NYNRIN: variants seen among roughly 807,000 people sequenced by gnomAD.
The protein encoded by NYNRIN is NYN domain and retroviral integrase containing.
Under a neutral mutation model 146.6 loss-of-function variants are expected in NYNRIN, and 86 were observed. That is an observed-to-expected ratio of 0.59 (90% confidence interval 0.49 to 0.70). The LOEUF is 0.70. NYNRIN is among the 30% of genes least tolerant of loss of function. The pLI, the probability that NYNRIN is intolerant of heterozygous loss-of-function variation, is 0.00. For synonymous variants in NYNRIN, 1,027 were observed against 1,001.3 expected, an observed-to-expected ratio of 1.03 and a Z score of -0.48; for missense variants, 2,191 against 2,377.7, an observed-to-expected ratio of 0.92 and a Z score of 1.63.
chr14:24,416,458 G>C lies in NYNRIN; in HGVS notation c.4709G>C (p.Gly1570Ala). The part of the protein sequence containing the change: ...EETYKKLRLL[G>A]WWPGMQEHVK... ...ACCTACAAGAAGTTGCGTTTGCTGGGGTGGTGGCCTGGGATGCAGGAGCAT... is the reference window on the plus strand; with the variant it reads ...ACCTACAAGAAGTTGCGTTTGCTGGCGTGGTGGCCTGGGATGCAGGAGCAT... Residue 1570 changes from glycine (G) to alanine (A), a missense_variant, in exon 9 of 9, where the codon GGG becomes GCG. Gly to Ala is a moderately conservative substitution (Grantham distance 60). This residue lies in a region of NYNRIN where 1,291 missense variants were observed against 1,417.0 expected (regional missense o/e 0.91). Transcript: ENST00000382554. The C allele has an allele frequency of 6.2e-7, 1 of 1,613,188 alleles. No homozygotes were observed.
At chr14:24,410,782 T>C (rs2042907770) in intron 4 of NYNRIN, among the ~76,000 whole-genome samples, 2 of 152,218 alleles carry the variant, frequency 1.3e-5, no homozygotes, top group South Asian at 4.1e-4. Flanking sequence ...CTTTAAGCCC[T>C]CAACTGAGCT....
rs779169130 is a variant in NYNRIN at position 24,408,953 on chromosome 14, T to C, written c.1159T>C (p.Cys387Arg). 1 of 1,613,984 alleles carries C rather than the reference T, an allele frequency of 6.2e-7. No homozygotes were observed. Residue 387 changes from cysteine to arginine, a missense_variant, in exon 4 of 9, where the codon TGC becomes CGC. By Grantham distance (180) the Cys-to-Arg change is radical (BLOSUM62 -3). This residue lies in a region of NYNRIN where 895 missense variants were observed against 941.2 expected (regional missense o/e 0.95). Transcript: ENST00000382554. ...LHLAWLLSQA[C>R]FNFPFWQRPL... ...TCTGGCCTGGCTCCTGTCCCAGGCG[T>C]GCTTCAATTTCCCCTTCTGGCAGAG...
chr14:24,411,718 T>C lies in NYNRIN; in HGVS notation c.2642+268T>C, dbSNP rs556756696. 6.6e-6 allele frequency among the ~76,000 whole-genome samples: 1 copy of C among 152,342 alleles called. No individual in the cohort carries two copies. Among genetic ancestry groups the C allele is most frequent in the African/African-American group, 2.4e-5 (1 of 41,574 alleles). On this transcript the variant is annotated intron_variant, in intron 6 of 8. Transcript: ENST00000382554. This position sits in a 1 kb window ranked among gnomAD's most constrained non-coding sequence, Gnocchi z 4.3. Reference sequence around the variant, plus strand: ...CGTCTGCCTTAGCTAACAGGCATTCTTCCCCCATGACCTGTGAACATCAGA... The same window carrying C: ...CGTCTGCCTTAGCTAACAGGCATTCCTCCCCCATGACCTGTGAACATCAGA...
At chr14:24,402,939 T>C (rs1266071246) in intron 2 of NYNRIN, among the ~76,000 whole-genome samples, 1 of 152,232 alleles carries the variant, frequency 6.6e-6, no homozygotes, top group Non-Finnish European at 1.5e-5. Flanking sequence ...CAGTATTTGC[T>C]CTGGCATTTA....
intron 2 of NYNRIN, among the ~76,000 whole-genome samples, chr14:24,405,639 G>T (rs941530711): frequency 1.3e-5 from 2 of 152,142 alleles, no homozygotes; most frequent in Non-Finnish European, 2.9e-5. Context: ...GAAGACCCCC[G>T]ACTGTGGAGC....
intron 4 of NYNRIN, among the ~76,000 whole-genome samples, chr14:24,410,409 G>A (rs1425115523): frequency 1.3e-5 from 2 of 152,204 alleles, no homozygotes; most frequent in African/African-American, 4.8e-5. Flanking sequence ...AGCCCTCAAG[G>A]GCAGGTTTCT....
intron 2 of NYNRIN, among the ~76,000 whole-genome samples, chr14:24,405,549 G>A (rs1175986163): frequency 6.6e-6 from 1 of 152,144 alleles, no homozygotes; most frequent in African/African-American, 2.4e-5. Flanking sequence ...AGGCAGGAAA[G>A]CTGTTCAGGT....
chr14:24,413,560 A>G, intron 8 of NYNRIN, 143 bp downstream of exon 8: 1 of 593,912 alleles, frequency 1.7e-6, no homozygotes, highest in South Asian at 2.5e-5. Context: ...CCACATGTTT[A>G]TGTGTTCATA....
intron 2 of NYNRIN, among the ~76,000 whole-genome samples, chr14:24,401,199 GACCGCAGATCTCAC>G (rs1166724159): frequency 6.6e-6 from 1 of 152,162 alleles, no homozygotes; most frequent in Non-Finnish European, 1.5e-5. Flanking sequence ...GGGTTCTTCG[GACCGCAGATCTCAC>G]ACCTCAGGCT....
Position 24,400,777 on chromosome 14 carries a change from T to C in NYNRIN, c.198+1333T>C, listed in dbSNP as rs968857149. Among the ~76,000 whole-genome samples the C allele has an allele frequency of 2.0e-5, 3 of 151,756 alleles. No homozygotes were observed. In the South Asian group the frequency reaches 6.2e-4, roughly 32 times the overall value. On this transcript the variant is annotated intron_variant, in intron 2 of 8. Transcript: ENST00000382554. ...CTCACCCTCTTAGGGGACTCACACT[T>C]TCTTTTTCTTTTTTTTTTTTTTTTG...
chr14:24,416,405 C>A lies in NYNRIN; in HGVS notation c.4656C>A (p.Pro1552=), dbSNP rs766417161. 5.6e-6 allele frequency: 9 copies of A among 1,612,894 alleles called. No individual in the cohort carries two copies. The South Asian group carries it at 7.7e-5, about 14-fold the overall frequency. The change falls in exon 9 of 9, where the codon CCC becomes CCA. Residue 1552 remains proline (P), a synonymous_variant. Coordinates refer to ENST00000382554, the MANE Select transcript of NYNRIN (RefSeq NM_025081.3). ...RDLIFSVHDI[P]LGAHQRPEET... Reference sequence around the variant, plus strand: ...TGATTTTCTCTGTGCATGACATTCCCTTGGGGGCCCACCAGAGGCCCGAAG... The same window carrying A: ...TGATTTTCTCTGTGCATGACATTCCATTGGGGGCCCACCAGAGGCCCGAAG...
Position 24,416,071 on chromosome 14 carries a change from T to C in NYNRIN, c.4322T>C (p.Val1441Ala). The change falls in exon 9 of 9, where the codon GTG (valine) becomes GCG (alanine). Residue 1441 changes from valine to alanine, a missense_variant. This residue lies in a region of NYNRIN where 1,291 missense variants were observed against 1,417.0 expected (regional missense o/e 0.91). Transcript: ENST00000382554. ...CGGGGCTCTCTGTTTGCTGTGACAGTGGACACCCTGGCCAAGCAGGGTGCC... is the reference window on the plus strand; with the variant it reads ...CGGGGCTCTCTGTTTGCTGTGACAGCGGACACCCTGGCCAAGCAGGGTGCC... ...SYRGSLFAVT[V>A]DTLAKQGAQG... 2 of 1,613,970 alleles carry C rather than the reference T, an allele frequency of 1.2e-6. No homozygotes were observed. Among genetic ancestry groups the C allele is most frequent in the East Asian group, 2.2e-5 (1 of 44,888 alleles).
chr14:24,416,748 G>A lies in NYNRIN; in HGVS notation c.4999G>A (p.Val1667Met). ...TGTGGCCCAGGTGCTGCTTCAGCAT[G>A]TGTTTGCAAGGTGGGGTGTTCCTGT... ...TAVAQVLLQH[V>M]FARWGVPVRL... The change falls in exon 9 of 9, where the codon GTG becomes ATG. Residue 1667 changes from valine (V) to methionine (M), a missense_variant. Physicochemically the swap from Val to Met is conservative, Grantham distance 21. Around this residue, in one of 3 missense-constraint regions of NYNRIN, gnomAD observed 1,291 missense variants for 1,417.0 expected, o/e 0.91. Coordinates refer to ENST00000382554, the MANE Select transcript of NYNRIN (RefSeq NM_025081.3). 1.2e-6 allele frequency: 2 copies of A among 1,613,920 alleles called. No individual in the cohort carries two copies. The highest frequency in any genetic ancestry group is 1.7e-6 in the Non-Finnish European group (2 of 1,179,878).
In NYNRIN at chr14:24,409,994, A is replaced by G; in HGVS notation, c.2200A>G (p.Ser734Gly). The change falls in exon 4 of 9, where the codon AGC becomes GGC. Residue 734 changes from serine to glycine, a missense_variant. Around this residue, in one of 3 missense-constraint regions of NYNRIN, gnomAD observed 895 missense variants for 941.2 expected, o/e 0.95. Transcript: ENST00000382554. ...GPQSSGTLAL[S>G]SKHQFQMEGL... is the part of the protein sequence containing the mutation. ...CCAGTCCAGTGGCACCTTGGCCCTC[A>G]GCAGTAAGCACCAGTTTCAGATGGA... 2 of 1,613,808 alleles carry G rather than the reference A, an allele frequency of 1.2e-6. No homozygotes were observed. Among genetic ancestry groups the G allele is most frequent in the Non-Finnish European group, 1.7e-6 (2 of 1,179,790 alleles).
intron 2 of NYNRIN, among the ~76,000 whole-genome samples, chr14:24,403,316 A>G (rs186825604): frequency 6.6e-6 from 1 of 152,272 alleles, no homozygotes; most frequent in Admixed American, 6.5e-5. Flanking sequence ...ACAGTTTTCT[A>G]CAAGGTCAGT....
At chr14:24,410,795 C>CT (rs1441618311) in intron 4 of NYNRIN, among the ~76,000 whole-genome samples, 1 of 152,216 alleles carries the variant, frequency 6.6e-6, no homozygotes, top group Non-Finnish European at 1.5e-5. Context: ...ACTGAGCTCT[C>CT]TGAGTGGAGG....
chr14:24,415,933 G>A lies in NYNRIN; in HGVS notation c.4184G>A (p.Arg1395Gln), dbSNP rs769950057. Residue 1395 changes from arginine (R) to glutamine (Q), a missense_variant, in exon 9 of 9, where the codon CGG (arginine) becomes CAG (glutamine). By Grantham distance (43) the Arg-to-Gln change is conservative. Transcript: ENST00000382554. ...LWELLPLWRA[R>Q]GFLSSDGAPL... ...GAGCTCCTGCCCCTCTGGAGGGCTC[G>A]GGGCTTCCTCTCCTCTGATGGGGCT... 5.1e-5 allele frequency: 82 copies of A among 1,613,670 alleles called. No individual in the cohort carries two copies. The highest frequency in any genetic ancestry group is 6.4e-5 in the Non-Finnish European group (75 of 1,179,872).
At chr14:24,410,358 G>A in intron 4 of NYNRIN, 150 bp downstream of exon 4, 1 of 657,428 alleles carries the variant, frequency 1.5e-6, no homozygotes, top group South Asian at 2.0e-5. Flanking sequence ...CATGTTGAAT[G>A]GCTCCTGCGT....
In NYNRIN at chr14:24,409,610, A is replaced by G. The variant is rs767343609; in HGVS notation, c.1816A>G (p.Thr606Ala). 9.3e-6 allele frequency: 15 copies of G among 1,608,942 alleles called. No homozygotes were observed. The East Asian group carries it at 3.4e-4, about 36-fold the overall frequency. ...TCAACTGATGGCCACAGCTCAAAAA[A>G]CAGTTGTGAATCAACCAGTGTTGGT... is the stretch of plus-strand genomic sequence containing the variant. ...TAQLMATAQKTVVNQPVLVAQ... is the reference protein window; with the variant it reads ...TAQLMATAQKAVVNQPVLVAQ... The change falls in exon 4 of 9, where the codon ACA (threonine) becomes GCA (alanine). Residue 606 changes from threonine to alanine, a missense_variant. By Grantham distance (58) the Thr-to-Ala change is moderately conservative. Coordinates refer to ENST00000382554, the MANE Select transcript of NYNRIN (RefSeq NM_025081.3).
Sources: allele counts gnomAD v4.1 joint callset (sites outside exome capture counted in the v4.1 genomes callset), GRCh38; gene constraint gnomAD v4.1.1; regional missense constraint gnomAD v4.1.1; non-coding constraint Gnocchi (gnomAD v3.1); transcripts MANE v1.5; gene names NCBI Gene and HGNC (gene_info 2026-07-23, HGNC 2026-07-21).